STON2: variants seen among roughly 807,000 people sequenced by gnomAD.
The protein encoded by STON2 is stonin-2.
Under a neutral mutation model 65.7 loss-of-function variants are expected in STON2, and 29 were observed. The observed-to-expected ratio is 0.44, with a 90% CI of 0.33 to 0.60. The LOEUF (loss-of-function observed/expected upper bound fraction) is 0.60. Ranked by LOEUF, STON2 falls within the 20% of genes least tolerant of loss-of-function variation. The pLI is 0.03. For synonymous variants in STON2, 404 were observed against 414.2 expected, an observed-to-expected ratio of 0.98 and a Z score of 0.30; for missense variants, 1,054 against 1,118.1, an observed-to-expected ratio of 0.94 and a Z score of 0.82.
intron 6 of STON2, among the ~76,000 whole-genome samples, chr14:81,271,936 C>T (rs1894612885): frequency 6.6e-6 from 1 of 152,058 alleles, no homozygotes; most frequent in African/African-American, 2.4e-5. Context: ...AATGAGCTAC[C>T]CACAGTCACA....
intron 2 of STON2, among the ~76,000 whole-genome samples, chr14:81,421,197 C>T (rs1015736247): frequency 1.1e-4 from 16 of 152,130 alleles, no homozygotes; most frequent in African/African-American, 3.4e-4. Flanking sequence ...AAAACAGCTG[C>T]ATTAAAAATG....
chr14:81,270,132 G>T, intron 7 of STON2: 5 of 780,092 alleles, frequency 6.4e-6, no homozygotes, highest in Non-Finnish European at 7.8e-6. Context: ...CTGTCACTCA[G>T]GCTGGAGTAC....
At chr14:81,276,212 G>C (rs1048766667) in intron 6 of STON2, among the ~76,000 whole-genome samples, 3 of 152,224 alleles carry the variant, frequency 2.0e-5, no homozygotes, top group Admixed American at 2.0e-4. Context: ...AAGCACAAAA[G>C]CATCCCTGAT....
chr14:81,344,592 T>C (rs143990477), intron 4 of STON2, among the ~76,000 whole-genome samples: 3,429 of 152,314 alleles, frequency 0.023, 49 homozygotes, highest in South Asian at 0.04. Flanking sequence ...ATATAAACAC[T>C]GCAGTACTGT....
intron 3 of STON2, among the ~76,000 whole-genome samples, chr14:81,384,507 A>T (rs1595425791): frequency 1.1e-5 from 1 of 88,858 alleles, no homozygotes; most frequent in South Asian, 4.5e-4. Flanking sequence ...AAGTGGTGGG[A>T]TTACAGGCGT....
chr14:81,308,779 CCCATATAT>C (rs1566901035), intron 5 of STON2, among the ~76,000 whole-genome samples: 1 of 1,394 alleles, frequency 7.2e-4, no homozygotes. Flanking sequence ...CATGGTTTTA[CCCATATAT>C]ATATATATAT....
chr14:81,384,660 C>A (rs2140405327), intron 3 of STON2, among the ~76,000 whole-genome samples: 1 of 152,294 alleles, frequency 6.6e-6, no homozygotes. Flanking sequence ...TTGAACATGA[C>A]TTGAACGTGA....
chr14:81,290,123 T>C (rs190247223), intron 5 of STON2, among the ~76,000 whole-genome samples: 14 of 152,314 alleles, frequency 9.2e-5, no homozygotes, highest in Admixed American at 3.9e-4. Flanking sequence ...ATAATACTTT[T>C]ATATTCCATT....
In STON2 at chr14:81,395,873, G is replaced by C. The variant is rs114513770; in HGVS notation, c.373+21C>G. 3 of 1,612,702 alleles carry C rather than the reference G, an allele frequency of 1.9e-6. No homozygotes were observed. The Admixed American group carries it at 5.0e-5, about 27-fold the overall frequency. ...TCCCTGCTGACCACAAACCCAAGCC[G>C]GGCCCTTCCTACCTCCTCACCTGTC... On this transcript the variant is annotated intron_variant, in intron 3 of 7. Coordinates refer to ENST00000614646, the MANE Select transcript of STON2 (RefSeq NM_001394390.1).
At chr14:81,429,231 G>A (rs773256728) in intron 1 of STON2, among the ~76,000 whole-genome samples, 2 of 152,166 alleles carry the variant, frequency 1.3e-5, no homozygotes, top group East Asian at 1.9e-4. Context: ...CCATCCTTAC[G>A]GAGATATGAA....
chr14:81,281,241 T>A (rs1257412443), intron 5 of STON2, among the ~76,000 whole-genome samples: 3 of 152,140 alleles, frequency 2.0e-5, no homozygotes, highest in Admixed American at 2.0e-4. Flanking sequence ...TTTCTGAAAA[T>A]CGAAGGGAAA....
At chr14:81,355,073 T>C (rs544891638) in intron 4 of STON2, among the ~76,000 whole-genome samples, 2 of 151,164 alleles carry the variant, frequency 1.3e-5, no homozygotes, top group African/African-American at 2.4e-5. Context: ...GACAGAACAT[T>C]TGAAATTATC....
At chr14:81,429,002 G>A (rs1357710843) in intron 1 of STON2, among the ~76,000 whole-genome samples, 7 of 152,188 alleles carry the variant, frequency 4.6e-5, no homozygotes, top group Non-Finnish European at 1.0e-4. Flanking sequence ...CAGATGGTGT[G>A]TTTGCATGGA....
intron 4 of STON2, among the ~76,000 whole-genome samples, chr14:81,340,853 T>C (rs991660593): frequency 6.6e-6 from 1 of 151,412 alleles, no homozygotes; most frequent in Non-Finnish European, 1.5e-5. Context: ...ATACTATTAA[T>C]ATATATCAAT....
chr14:81,293,511 C>G (rs1895645038), intron 5 of STON2, among the ~76,000 whole-genome samples: 1 of 152,144 alleles, frequency 6.6e-6, no homozygotes, highest in African/African-American at 2.4e-5. Context: ...TCCTGGCCAT[C>G]TGTGGGAGAT....
intron 2 of STON2, among the ~76,000 whole-genome samples, chr14:81,426,179 A>T (rs1297993226): frequency 6.6e-6 from 1 of 152,230 alleles, no homozygotes; most frequent in Non-Finnish European, 1.5e-5. Flanking sequence ...TAACTTGCCC[A>T]AGGGCACAAA....
intron 3 of STON2, 91 bp downstream of exon 3, chr14:81,395,803 T>C: frequency 1.5e-6 from 2 of 1,341,902 alleles, no homozygotes; most frequent in Non-Finnish European, 2.1e-6. Context: ...AGGGGGCAGA[T>C]GAAATGGAAT....
At chr14:81,342,336 C>T (rs1015533940) in intron 4 of STON2, among the ~76,000 whole-genome samples, 1 of 152,144 alleles carries the variant, frequency 6.6e-6, no homozygotes, top group African/African-American at 2.4e-5. Context: ...GGTTTCGCCA[C>T]ATTGGCCAGG....
chr14:81,277,892 C>T lies in STON2; in HGVS notation c.1590G>A (p.Glu530=), dbSNP rs1247930334. The T allele has an allele frequency of 1.2e-6, 2 of 1,614,116 alleles. No individual in the cohort carries two copies. Among genetic ancestry groups the T allele is most frequent in the African/African-American group, 2.7e-5 (2 of 74,944 alleles). The change falls in exon 6 of 8, where the codon GAG becomes GAA. Residue 530 remains glutamate, a synonymous_variant. Transcript: ENST00000614646. ...TCTCATGACAGATCTCCAGCTTGAACTCACGGAATGGTTTTTCTAGGCCCT... is the reference window on the plus strand; with the variant it reads ...TCTCATGACAGATCTCCAGCTTGAATTCACGGAATGGTTTTTCTAGGCCCT... ...YEQGLEKPFR[E]FKLEICHEIS...
Sources: allele counts gnomAD v4.1 joint callset (sites outside exome capture counted in the v4.1 genomes callset), GRCh38; gene constraint gnomAD v4.1.1; transcripts MANE v1.5; gene names NCBI Gene and HGNC (gene_info 2026-07-23, HGNC 2026-07-21).